CCNY: variants seen among roughly 807,000 people sequenced by gnomAD.
The protein encoded by CCNY is cyclin Y.
In CCNY, 19 loss-of-function variants were observed where a neutral mutation model predicts 42.8. The observed-to-expected ratio is 0.44, with a 90% CI of 0.31 to 0.65. The LOEUF (loss-of-function observed/expected upper bound fraction) is 0.65. Among genes scored for constraint, CCNY ranks in the 30% least tolerant of loss-of-function variants. CCNY has a pLI of 0.07. For missense variants in CCNY, 370 were observed against 437.3 expected (o/e 0.85, Z 1.37); for synonymous variants, 165 against 162.7 (o/e 1.01, Z -0.11).
At chr10:35,482,790 GTGTGTGTGTGTT>G (rs1839700463) in intron 1 of CCNY, among the ~76,000 whole-genome samples, 1 of 143,384 alleles carries the variant, frequency 7.0e-6, no homozygotes, top group African/African-American at 2.6e-5. Context: ...GTGTGTGTGT[GTGTGTGTGTGTT>G]ATGTGTTTGA....
intron 1 of CCNY, among the ~76,000 whole-genome samples, chr10:35,419,745 C>T (rs530465604): frequency 5.9e-5 from 9 of 151,944 alleles, no homozygotes; most frequent in Non-Finnish European, 8.8e-5. Flanking sequence ...TCTTTATATA[C>T]GTTTACGTAA....
intron 3 of CCNY, among the ~76,000 whole-genome samples, chr10:35,252,251 A>G (rs1432431002): frequency 6.6e-6 from 1 of 152,138 alleles, no homozygotes; most frequent in African/African-American, 2.4e-5. Flanking sequence ...TCAACAGCAC[A>G]GTTAAATGGG....
intron 1 of CCNY, among the ~76,000 whole-genome samples, chr10:35,432,046 C>T (rs995087421): frequency 1.3e-5 from 2 of 152,108 alleles, no homozygotes; most frequent in African/African-American, 2.4e-5. Flanking sequence ...TATTATGGAG[C>T]GAATGTCAGT....
chr10:35,322,562 T>G (rs538865456), intron 3 of CCNY, among the ~76,000 whole-genome samples: 1 of 152,194 alleles, frequency 6.6e-6, no homozygotes, highest in Admixed American at 6.5e-5. Context: ...GCTAACAAAA[T>G]GAAGACAAGT....
intron 1 of CCNY, among the ~76,000 whole-genome samples, chr10:35,418,443 G>C (rs1838074128): frequency 6.6e-6 from 1 of 152,214 alleles, no homozygotes; most frequent in Non-Finnish European, 1.5e-5. Context: ...TGAGCCTATG[G>C]AGAAATTGGG....
intron 1 of CCNY, among the ~76,000 whole-genome samples, chr10:35,380,758 G>A (rs1043951966): frequency 3.3e-5 from 5 of 152,162 alleles, no homozygotes; most frequent in South Asian, 4.1e-4. Context: ...GCAGCCAGCC[G>A]CCTGTGACTT....
intron 3 of CCNY, among the ~76,000 whole-genome samples, chr10:35,252,290 G>T (rs1320011021): frequency 6.6e-6 from 1 of 152,068 alleles, no homozygotes; most frequent in African/African-American, 2.4e-5. Context: ...TCCTGGCCGG[G>T]CGCGGTGGCT....
intron 3 of CCNY, among the ~76,000 whole-genome samples, chr10:35,510,317 C>A (rs771335425): frequency 4.1e-4 from 62 of 152,182 alleles, no homozygotes; most frequent in Admixed American, 3.0e-3. Context: ...TGGGCCCAAC[C>A]GATCTTCCTG....
rs368306317 is a variant in CCNY at position 35,566,232 on chromosome 10, A to G, written c.909+47A>G. 1.8e-5 allele frequency: 28 copies of G among 1,570,114 alleles called. No individual in the cohort carries two copies. The African/African-American group carries it at 3.1e-4, about 17-fold the overall frequency. On this transcript the variant is annotated intron_variant, in intron 9 of 9. Transcript: ENST00000374704. ...TTTTGTGGTGCAGTGTTGCCAATAC[A>G]TCATCTGAGTACCAGAGATGCATGT...
chr10:35,260,724 C>G (rs183147770), intron 3 of CCNY, among the ~76,000 whole-genome samples: 4 of 152,308 alleles, frequency 2.6e-5, no homozygotes, highest in African/African-American at 7.2e-5. Context: ...AAATCCTGAC[C>G]AATGCCTAAT....
rs1840644549 is a variant in CCNY at position 35,526,007 on chromosome 10, G to A, written c.401+8G>A. ...TTATCACATCAAAAACAGGTATGTG[G>A]ATGGTTGTGTGCTAAAAACATCATA... On this transcript the variant is annotated splice_region_variant and intron_variant, in intron 5 of 9. Coordinates refer to ENST00000374704, the MANE Select transcript of CCNY (RefSeq NM_145012.6). 4 of 1,608,734 alleles carry A rather than the reference G, an allele frequency of 2.5e-6. No individual in the cohort carries two copies. Among genetic ancestry groups the A allele is most frequent in the African/African-American group, 1.3e-5 (1 of 74,776 alleles).
At chr10:35,256,730 CA>C (rs34131401) in intron 3 of CCNY, among the ~76,000 whole-genome samples, 9 of 131,236 alleles carry the variant, frequency 6.9e-5, no homozygotes, top group Non-Finnish European at 1.1e-4. Context: ...GACTCTGTCT[CA>C]AAAATAAAAC....
At chr10:35,477,616 T>C (rs1839546313) in intron 1 of CCNY, among the ~76,000 whole-genome samples, 1 of 151,262 alleles carries the variant, frequency 6.6e-6, no homozygotes, top group African/African-American at 2.4e-5. Context: ...CTCAATAAAT[T>C]AGGTATTGAT....
intron 1 of CCNY, among the ~76,000 whole-genome samples, chr10:35,365,641 A>C (rs1836792994): frequency 6.6e-6 from 1 of 152,186 alleles, no homozygotes; most frequent in Non-Finnish European, 1.5e-5. Flanking sequence ...AGAAACTGCC[A>C]GTTTAGTATG....
rs184744585 is a variant in CCNY at position 35,432,176 on chromosome 10, A to G, written c.155-51228A>G. 6.2e-4 allele frequency among the ~76,000 whole-genome samples: 95 copies of G among 152,254 alleles called. 1 individual carries two copies. Among genetic ancestry groups the G allele is most frequent in the Admixed American group, 5.7e-3 (87 of 15,298 alleles). On this transcript the variant is annotated intron_variant, in intron 1 of 9. Coordinates refer to ENST00000374704, the MANE Select transcript of CCNY (RefSeq NM_145012.6). The stretch of plus-strand genomic sequence containing the variant: ...GAAGGATCATTAGATTTGAATTGTA[A>G]GTGCTGTGTTGGAATCTTGGCTCCG...
chr10:35,327,550 A>G (rs528397546), intron 3 of CCNY: 17 of 152,222 alleles, frequency 1.1e-4, no homozygotes, highest in African/African-American at 3.9e-4. Context: ...GAAAACTGTT[A>G]GCAGGAGTAG....
rs1302629868 is a variant in CCNY, at chr10:35,569,173, A to G, written c.*3A>G. On this transcript the variant is annotated 3_prime_UTR_variant, in exon 10 of 10. Transcript: ENST00000374704. ...GGTCCCCAGCCATCATCTCTTAACT[A>G]CGGAGGCCCGCCGGAGGCCACACCA... The G allele has an allele frequency of 6.4e-7, 1 of 1,560,986 alleles. No individual in the cohort carries two copies. Among genetic ancestry groups the G allele is most frequent in the African/African-American group, 1.4e-5 (1 of 73,954 alleles).
chr10:35,418,119 T>C (rs1379665579), intron 1 of CCNY, among the ~76,000 whole-genome samples: 3 of 152,244 alleles, frequency 2.0e-5, no homozygotes, highest in Non-Finnish European at 4.4e-5. Context: ...TCAATTTTAG[T>C]GAAGGGCTGA....
chr10:35,390,115 T>G (rs1225392125), intron 1 of CCNY, among the ~76,000 whole-genome samples: 5 of 152,258 alleles, frequency 3.3e-5, no homozygotes, highest in Admixed American at 6.5e-5. Context: ...GTACAAAATA[T>G]GGCATACAAA....
Sources: allele counts gnomAD v4.1 joint callset (sites outside exome capture counted in the v4.1 genomes callset), GRCh38; gene constraint gnomAD v4.1.1; transcripts MANE v1.5; gene names NCBI Gene and HGNC (gene_info 2026-07-23, HGNC 2026-07-21).